TRIM15: variants seen among roughly 807,000 people sequenced by gnomAD.
TRIM15 encodes the protein tripartite motif containing 15, also known as E3 ubiquitin-protein ligase TRIM15.
A neutral mutation model predicts 35.8 loss-of-function variants in TRIM15; 35 were observed. The ratio of observed to expected loss-of-function variants is 0.98; its 90% CI spans 0.75 to 1.30. The LOEUF (loss-of-function observed/expected upper bound fraction) is 1.30. TRIM15 is among the 50% of genes most tolerant of loss of function. The pLI is 0.00. For synonymous variants in TRIM15, 252 were observed against 249.8 expected (o/e 1.01, Z -0.08); for missense variants, 590 against 593.5 (o/e 0.99, Z 0.06).
intron 4 of TRIM15, chr6:30,169,645 C>T (rs761615517): frequency 4.6e-6 from 2 of 436,732 alleles, no homozygotes; most frequent in Non-Finnish European, 8.4e-6. Flanking sequence ...AGCATGGAAA[C>T]CAGGAATACC....
intron 2 of TRIM15, among the ~76,000 whole-genome samples, chr6:30,167,604 C>A (rs1469433825): frequency 6.6e-6 from 1 of 152,224 alleles, no homozygotes; most frequent in East Asian, 1.9e-4. Flanking sequence ...TTCTTTCCAT[C>A]CTAGTCTGTT....
chr6:30,168,242 A>C, intron 2 of TRIM15, 58 bp from the exon 3 acceptor site: 1 of 1,453,428 alleles, frequency 6.9e-7, no homozygotes, highest in East Asian at 2.3e-5. Context: ...ATAGATGATC[A>C]TCCTGGAAGC....
chr6:30,170,216 G>A, intron 4 of TRIM15: 1 of 373,028 alleles, frequency 2.7e-6, no homozygotes, highest in Non-Finnish European at 4.8e-6. Flanking sequence ...ACCAAAAGGG[G>A]TAATGATCTC....
chr6:30,170,435 A>C (rs1773924735), intron 4 of TRIM15, 66 bp from the exon 5 acceptor site: 2 of 957,324 alleles, frequency 2.1e-6, no homozygotes, highest in Non-Finnish European at 3.3e-6. Flanking sequence ...TTTTAGCCTC[A>C]CGTGGTCTCA....
At chr6:30,167,131 AT>A (rs749186244) in intron 1 of TRIM15, 44 bp from the exon 2 acceptor site, 2 of 1,523,932 alleles carry the variant, frequency 1.3e-6, no homozygotes, top group Non-Finnish European at 1.8e-6. Context: ...TGTGAGTTGA[AT>A]TATTAATTCA....
chr6:30,171,974 C>G lies in TRIM15; in HGVS notation c.1023C>G (p.Phe341Leu), dbSNP rs539486815. The G allele has an allele frequency of 5.7e-6, 9 of 1,589,364 alleles. 2 individuals carry two copies. In the South Asian group the frequency reaches 7.9e-5, roughly 14 times the overall value. Residue 341 changes from phenylalanine (F) to leucine (L), a missense_variant, in exon 7 of 7, where the codon TTC (phenylalanine) becomes TTG (leucine). Phe to Leu is a conservative substitution (Grantham distance 22). Coordinates refer to ENST00000376694, the MANE Select transcript of TRIM15 (RefSeq NM_033229.3). ...RFDGLPAVLG[F>L]PGFSSGRHRW... Reference sequence around the variant, plus strand: ...ACGGCCTCCCGGCGGTTCTGGGCTTCCCGGGCTTCTCCTCCGGGCGCCACC... The same window carrying G: ...ACGGCCTCCCGGCGGTTCTGGGCTTGCCGGGCTTCTCCTCCGGGCGCCACC...
intron 2 of TRIM15, 98 bp from the exon 3 acceptor site, chr6:30,168,202 T>C: frequency 1.9e-6 from 2 of 1,070,184 alleles, no homozygotes; most frequent in Non-Finnish European, 1.3e-6. Context: ...GACCAGTTGC[T>C]CCCTATCCCT....
Position 30,169,265 on chromosome 6 carries a change from T to C in TRIM15, c.731+2T>C, listed in dbSNP as rs757952707. 15 of 1,613,128 alleles carry C rather than the reference T, an allele frequency of 9.3e-6. No individual in the cohort carries two copies. The Admixed American group carries it at 1.8e-4, about 20-fold the overall frequency. ...GGATGTCAGAGTCAACCAGAGCAGG[T>C]AGGGCCCACTCCCCGGTCCTGCCTC... On this transcript the variant is annotated splice_donor_variant, in intron 4 of 6. Coordinates refer to ENST00000376694, the MANE Select transcript of TRIM15 (RefSeq NM_033229.3). LOFTEE classifies it high-confidence loss of function.
intron 1 of TRIM15, among the ~76,000 whole-genome samples, chr6:30,166,437 G>T (rs531865087): frequency 1.3e-5 from 2 of 152,112 alleles, no homozygotes; most frequent in East Asian, 3.9e-4. Flanking sequence ...TATTTCTGAG[G>T]CCCTTCTTCT....
chr6:30,165,672 T>C (rs148839848), intron 1 of TRIM15, among the ~76,000 whole-genome samples: 3,594 of 152,302 alleles, frequency 0.024, 66 homozygotes, highest in Middle Eastern at 0.044. Flanking sequence ...CTTGAGGAGT[T>C]GCCACACTGT....
Position 30,172,603 on chromosome 6 carries a change from C to T in TRIM15, c.*254C>T. 2 of 700,800 alleles carry T rather than the reference C, an allele frequency of 2.9e-6. No individual in the cohort carries two copies. Among genetic ancestry groups the T allele is most frequent in the Non-Finnish European group, 2.6e-6 (1 of 387,552 alleles). The allele number at this position is 700,800 out of a possible 1,614,324, so 43.4% of individuals were successfully genotyped here. ...AGAACCACAGACGGCTTCGGCTGTG[C>T]CTAGGGCAACAGCCAACCTAGGAGC... On this transcript the variant is annotated 3_prime_UTR_variant, in exon 7 of 7. Transcript: ENST00000376694.
chr6:30,168,200 G>T (rs9368624), intron 2 of TRIM15, 100 bp from the exon 3 acceptor site: 6 of 1,031,846 alleles, frequency 5.8e-6, no homozygotes, highest in Non-Finnish European at 8.3e-6. Context: ...TGGACCAGTT[G>T]CTCCCTATCC....
In TRIM15 at chr6:30,171,938, C is replaced by G; in HGVS notation, c.987C>G (p.Pro329=). The change falls in exon 7 of 7, where the codon CCC becomes CCG. Residue 329 remains proline, a synonymous_variant. Coordinates refer to ENST00000376694, the MANE Select transcript of TRIM15 (RefSeq NM_033229.3). ...AGAAGAAGAGCCTGCCAGACAGCCCCCTGCGCTTCGACGGCCTCCCGGCGG... is the reference window on the plus strand; with the variant it reads ...AGAAGAAGAGCCTGCCAGACAGCCCGCTGCGCTTCGACGGCCTCCCGGCGG... ...TRQKKSLPDS[P]LRFDGLPAVL... The G allele has an allele frequency of 1.3e-6, 2 of 1,597,634 alleles. No individual in the cohort carries two copies. The highest frequency in any genetic ancestry group is 2.3e-5 in the East Asian group (1 of 44,028).
Position 30,163,558 on chromosome 6 carries a change from C to T in TRIM15, c.-127C>T, listed in dbSNP as rs1581589793. 4.6e-5 allele frequency: 58 copies of T among 1,266,770 alleles called. No homozygotes were observed. The highest frequency in any genetic ancestry group is 5.6e-5 in the Non-Finnish European group (53 of 938,634). 78.5% of individuals were successfully genotyped at this position (1,266,770 alleles called of 1,614,324 possible). On this transcript the variant is annotated 5_prime_UTR_variant, in exon 1 of 7. Coordinates refer to ENST00000376694, the MANE Select transcript of TRIM15 (RefSeq NM_033229.3). Reference sequence around the variant, plus strand: ...CATTCTTGCCTCTCTCTCTCTTTCTCTCTCTCTGTCTCTTAGCCTTGCAGC... The same window carrying T: ...CATTCTTGCCTCTCTCTCTCTTTCTTTCTCTCTGTCTCTTAGCCTTGCAGC...
intron 5 of TRIM15, 38 bp downstream of exon 5, chr6:30,170,654 T>C (rs767000978): frequency 8.7e-6 from 13 of 1,502,540 alleles, no homozygotes; most frequent in Admixed American, 8.6e-5. Context: ...CCAGTCCCAT[T>C]AGCTGCCCTC....
At chr6:30,170,111 T>A (rs1773903063) in intron 4 of TRIM15, among the ~76,000 whole-genome samples, 1 of 152,154 alleles carries the variant, frequency 6.6e-6, no homozygotes, top group South Asian at 2.1e-4. Flanking sequence ...ATCCTTTTTT[T>A]TTCTTCCCTT....
Position 30,171,876 on chromosome 6 carries a change from C to G in TRIM15, c.925C>G (p.Leu309Val), listed in dbSNP as rs754831458. The G allele has an allele frequency of 1.9e-6, 3 of 1,593,868 alleles. No individual in the cohort carries two copies. The Admixed American group carries it at 5.2e-5, about 28-fold the overall frequency. Residue 309 changes from leucine (L) to valine (V), a missense_variant, in exon 7 of 7, where the codon CTC becomes GTC. Transcript: ENST00000376694. ...TCAGACCGCCAGCCGGAGCCTGGTT[C>G]TCTCGGAAGACAGGAAGTCAGTGAG... Reference protein sequence around the residue: ...DPQTASRSLVLSEDRKSVRYT... With the variant: ...DPQTASRSLVVSEDRKSVRYT...
chr6:30,165,308 G>A (rs1000924326), intron 1 of TRIM15, among the ~76,000 whole-genome samples: 1 of 152,070 alleles, frequency 6.6e-6, no homozygotes, highest in African/African-American at 2.4e-5. Context: ...CTGTGTCCAT[G>A]TGTTCTCATT....
At position 30,168,346 on chromosome 6, in the gene TRIM15, G is replaced by T; in HGVS notation, c.524G>T (p.Arg175Met). 6.2e-7 allele frequency: 1 copy of T among 1,613,086 alleles called. No homozygotes were observed. The highest frequency in any genetic ancestry group is 8.5e-7 in the Non-Finnish European group (1 of 1,180,040). Reference sequence around the variant, plus strand: ...CATCAGGTGGAAACAGCTTTTGAGAGGCTGCAGCAGGAGCTGGAGCAGCAG... The same window carrying T: ...CATCAGGTGGAAACAGCTTTTGAGATGCTGCAGCAGGAGCTGGAGCAGCAG... Reference protein sequence around the residue: ...KKHQVETAFERLQQELEQQRC... With the variant: ...KKHQVETAFEMLQQELEQQRC... The change falls in exon 3 of 7, where the codon AGG (arginine) becomes ATG (methionine). Residue 175 changes from arginine (R) to methionine (M), a missense_variant. Transcript: ENST00000376694.
Sources: gnomAD v4.1 joint callset for allele counts (sites outside exome capture counted in the v4.1 genomes callset) on GRCh38, gnomAD v4.1.1 for gene constraint, MANE v1.5 for transcripts, NCBI Gene and HGNC (gene_info 2026-07-23, HGNC 2026-07-21) for gene names.